SLC9A9: variants seen among roughly 807,000 people sequenced by gnomAD.
SLC9A9 encodes sodium/hydrogen exchanger 9.
A neutral mutation model predicts 77.8 loss-of-function variants in SLC9A9; 62 were observed. The observed-to-expected ratio is 0.80, with a 90% CI of 0.65 to 0.98. SLC9A9 has a LOEUF of 0.98. SLC9A9 is among the 50% of genes least tolerant of loss of function. The pLI, the probability that SLC9A9 is intolerant of heterozygous loss-of-function variation, is 0.00. For missense variants in SLC9A9, 775 were observed against 774.9 expected (o/e 1.00, Z 0.00); for synonymous variants, 320 against 283.5 (o/e 1.13, Z -1.29).
At chr3:143,454,431 T>G (rs552759238) in intron 12 of SLC9A9, among the ~76,000 whole-genome samples, 1 of 152,220 alleles carries the variant, frequency 6.6e-6, no homozygotes, top group Non-Finnish European at 1.5e-5. Context: ...CTTTCTCTTA[T>G]GTTTTTTCTC....
chr3:143,844,468 T>C (rs1296593024), intron 1 of SLC9A9, among the ~76,000 whole-genome samples: 1 of 152,084 alleles, frequency 6.6e-6, no homozygotes, highest in Non-Finnish European at 1.5e-5. Context: ...GGGAAAAACA[T>C]TTATCATTCT....
At chr3:143,744,524 C>T (rs191170850) in intron 4 of SLC9A9, among the ~76,000 whole-genome samples, 70 of 152,294 alleles carry the variant, frequency 4.6e-4, no homozygotes, top group African/African-American at 1.4e-3. Context: ...TCTCTCTTCA[C>T]GGCCCCATCG....
intron 13 of SLC9A9, among the ~76,000 whole-genome samples, chr3:143,371,390 C>T (rs566038005): frequency 2.6e-5 from 4 of 152,232 alleles, no homozygotes; most frequent in African/African-American, 7.2e-5. Context: ...AGAACTAAGG[C>T]TTACAAGATT....
At chr3:143,834,045 T>G (rs2009505360) in intron 1 of SLC9A9, among the ~76,000 whole-genome samples, 1 of 152,154 alleles carries the variant, frequency 6.6e-6, no homozygotes, top group Admixed American at 6.5e-5. Context: ...CATGCTTTCA[T>G]GTGAGAACCA....
intron 6 of SLC9A9, among the ~76,000 whole-genome samples, chr3:143,619,236 A>G (rs2038156850): frequency 6.6e-6 from 1 of 152,238 alleles, no homozygotes; most frequent in African/African-American, 2.4e-5. Context: ...AAGATTATAC[A>G]GTTTCTCAAG....
chr3:143,803,748 G>C (rs888050204), intron 2 of SLC9A9, among the ~76,000 whole-genome samples: 1 of 152,010 alleles, frequency 6.6e-6, no homozygotes, highest in Non-Finnish European at 1.5e-5. Flanking sequence ...TCCCTCCTTA[G>C]CAAACAATTG....
At chr3:143,374,641 AT>A (rs1006234234) in intron 13 of SLC9A9, among the ~76,000 whole-genome samples, 10 of 151,812 alleles carry the variant, frequency 6.6e-5, no homozygotes, top group African/African-American at 2.4e-4. Context: ...TTTCAAAACA[AT>A]TTTTTTGTGG....
rs147082999 is a variant in SLC9A9 at position 143,665,749 on chromosome 3, C to A, written c.650-13389G>T. On this transcript the variant is annotated intron_variant, in intron 5 of 15. Transcript: ENST00000316549. ...AAATTTAGAAGAAATGGATAAATTC[C>A]TGGACACATACACTCTCTCAAGACT... is the stretch of plus-strand genomic sequence containing the variant. 8.5e-3 allele frequency among the ~76,000 whole-genome samples: 1,287 copies of A among 152,196 alleles called. 9 individuals carry two copies. Among genetic ancestry groups the A allele is most frequent in the Middle Eastern group, 0.034 (10 of 294 alleles).
intron 12 of SLC9A9, among the ~76,000 whole-genome samples, chr3:143,387,305 A>G (rs1044839841): frequency 6.6e-6 from 1 of 152,184 alleles, no homozygotes; most frequent in African/African-American, 2.4e-5. Flanking sequence ...AGAGAAAGAA[A>G]TACATTACTA....
intron 12 of SLC9A9, among the ~76,000 whole-genome samples, chr3:143,445,171 C>T (rs762598939): frequency 9.9e-5 from 15 of 152,212 alleles, no homozygotes; most frequent in Non-Finnish European, 2.1e-4. Flanking sequence ...AGGAACTTCT[C>T]AAGCTGTGGC....
At chr3:143,708,629 A>G (rs1576673660) in intron 4 of SLC9A9, among the ~76,000 whole-genome samples, 2 of 152,172 alleles carry the variant, frequency 1.3e-5, no homozygotes, top group South Asian at 2.1e-4. Flanking sequence ...CCTTTATTTC[A>G]TCTAGGTCCT....
Position 143,574,521 on chromosome 3 carries a change from C to T in SLC9A9, c.895-328G>A, listed in dbSNP as rs565495864. Among the ~76,000 whole-genome samples the T allele has an allele frequency of 2.6e-5, 4 of 152,192 alleles. No homozygotes were observed. The East Asian group carries it at 5.8e-4, about 22-fold the overall frequency. ...CCCCTCAGGAAAGGTGTAGCAGGCA[C>T]GGAAAAACAAAGCCAAGGAGAGTGT... is the stretch of plus-strand genomic sequence containing the variant. On this transcript the variant is annotated intron_variant, in intron 7 of 15. Transcript: ENST00000316549.
At chr3:143,497,604 C>A (rs528348664) in intron 9 of SLC9A9, among the ~76,000 whole-genome samples, 2 of 152,088 alleles carry the variant, frequency 1.3e-5, no homozygotes, top group African/African-American at 4.8e-5. Context: ...AGGAAATGGC[C>A]GCCTGAAAGA....
intron 6 of SLC9A9, among the ~76,000 whole-genome samples, chr3:143,629,644 G>A (rs933810106): frequency 2.0e-5 from 3 of 151,514 alleles, no homozygotes; most frequent in Admixed American, 6.6e-5. Flanking sequence ...TATAATAGTC[G>A]GGCAAAATTC....
At chr3:143,726,589 T>C (rs531640294) in intron 4 of SLC9A9, among the ~76,000 whole-genome samples, 1 of 152,320 alleles carries the variant, frequency 6.6e-6, no homozygotes, top group East Asian at 1.9e-4. Context: ...ATGTGACACA[T>C]CCCTTCAAGG....
rs758349027 is a variant in SLC9A9 at position 143,794,152 on chromosome 3, C to T, written c.533+849G>A. On this transcript the variant is annotated intron_variant, in intron 4 of 15. Coordinates refer to ENST00000316549, the MANE Select transcript of SLC9A9 (RefSeq NM_173653.4). ...GACACTTCCTTGGCCTCAATTGACA[C>T]ACACTAGAAACTCTGTAAGAGAATG... is the stretch of plus-strand genomic sequence containing the variant. Among the ~76,000 whole-genome samples, 13 of 152,304 alleles carry T rather than the reference C, an allele frequency of 8.5e-5. No homozygotes were observed. In the South Asian group the frequency reaches 1.2e-3, roughly 15 times the overall value.
intron 9 of SLC9A9, among the ~76,000 whole-genome samples, chr3:143,536,276 A>G (rs985789660): frequency 1.3e-5 from 2 of 151,996 alleles, no homozygotes; most frequent in African/African-American, 4.8e-5. Flanking sequence ...TTCCAGTCCC[A>G]TTTTCCCACC....
intron 4 of SLC9A9, among the ~76,000 whole-genome samples, chr3:143,710,994 A>G (rs1934128846): frequency 6.6e-6 from 1 of 152,236 alleles, no homozygotes; most frequent in Admixed American, 6.5e-5. Context: ...AAACATATTT[A>G]ACTCAAATTA....
At chr3:143,646,522 C>T (rs1455603935) in intron 6 of SLC9A9, among the ~76,000 whole-genome samples, 1 of 150,554 alleles carries the variant, frequency 6.6e-6, no homozygotes, top group African/African-American at 2.4e-5. Flanking sequence ...ATATCTTTTC[C>T]CATCAATATA....
Sources: gnomAD v4.1 joint callset for allele counts (sites outside exome capture counted in the v4.1 genomes callset) on GRCh38, gnomAD v4.1.1 for gene constraint, MANE v1.5 for transcripts, NCBI Gene and HGNC (gene_info 2026-07-23, HGNC 2026-07-21) for gene names.